CDH10: variants seen among roughly 807,000 people sequenced by gnomAD.
CDH10 encodes the protein cadherin-10.
CDH10 carries 30 observed loss-of-function variants against 73.1 expected under a neutral mutation model. The observed-to-expected ratio is 0.41, with a 90% CI of 0.31 to 0.56. The LOEUF (loss-of-function observed/expected upper bound fraction) is 0.56. Among genes scored for constraint, CDH10 ranks in the 20% least tolerant of loss-of-function variants. The probability of loss-of-function intolerance (pLI) is 0.27; values close to 1 mark genes in which losing one functional copy is unlikely to be tolerated. For missense variants in CDH10, 815 were observed against 973.7 expected (o/e 0.84, Z 2.17); for synonymous variants, 345 against 348.2 (o/e 0.99, Z 0.10).
At chr5:24,488,685 C>T (rs1741934775) in intron 11 of CDH10, among the ~76,000 whole-genome samples, 1 of 151,606 alleles carries the variant, frequency 6.6e-6, no homozygotes, top group South Asian at 2.1e-4. Context: ...ATTTTTGTTA[C>T]TTTACTAAAA....
At chr5:24,500,710 C>G (rs368323398) in intron 8 of CDH10, among the ~76,000 whole-genome samples, 9 of 152,334 alleles carry the variant, frequency 5.9e-5, no homozygotes, top group East Asian at 5.8e-4. Context: ...ATGAAAGTAT[C>G]AGTTTAATGA....
intron 2 of CDH10, among the ~76,000 whole-genome samples, chr5:24,586,842 TC>T (rs903757603): frequency 7.5e-6 from 1 of 132,880 alleles, no homozygotes; most frequent in Non-Finnish European, 1.6e-5. Context: ...TAGCCCATAT[TC>T]TTTTTTTTTT....
intron 5 of CDH10, among the ~76,000 whole-genome samples, chr5:24,532,626 T>A (rs1180707075): frequency 6.6e-6 from 1 of 152,106 alleles, no homozygotes; most frequent in African/African-American, 2.4e-5. Flanking sequence ...CTTGATAACT[T>A]GATATAAGCT....
intron 2 of CDH10, among the ~76,000 whole-genome samples, chr5:24,563,787 A>G (rs1745058613): frequency 6.6e-6 from 1 of 150,898 alleles, no homozygotes; most frequent in Non-Finnish European, 1.5e-5. Context: ...AAAAAAAAAA[A>G]AAAAAAAAAA....
chr5:24,604,065 A>T (rs1008971834), intron 1 of CDH10, among the ~76,000 whole-genome samples: 1 of 152,154 alleles, frequency 6.6e-6, no homozygotes, highest in Non-Finnish European at 1.5e-5. Context: ...TAAAAATTAA[A>T]AATGTCTGGC....
At chr5:24,559,135 A>AAATG (rs397715133) in intron 2 of CDH10, among the ~76,000 whole-genome samples, 1 of 151,598 alleles carries the variant, frequency 6.6e-6, no homozygotes, top group African/African-American at 2.4e-5. Context: ...GTACACAAAT[A>AAATG]TGCTGTCAGG....
chr5:24,583,500 T>TAAAC (rs990120246), intron 2 of CDH10, among the ~76,000 whole-genome samples: 2 of 152,148 alleles, frequency 1.3e-5, no homozygotes, highest in African/African-American at 4.8e-5. Flanking sequence ...TTCTGTGAAA[T>TAAAC]AGTCAAAATA....
chr5:24,547,831 C>A (rs1216873686), intron 2 of CDH10, among the ~76,000 whole-genome samples: 1 of 152,168 alleles, frequency 6.6e-6, no homozygotes, highest in Non-Finnish European at 1.5e-5. Context: ...ACACACTGGT[C>A]CCTTGACAAA....
At chr5:24,493,381 C>A (rs1742135568) in intron 9 of CDH10, among the ~76,000 whole-genome samples, 1 of 151,776 alleles carries the variant, frequency 6.6e-6, no homozygotes, top group South Asian at 2.1e-4. Flanking sequence ...GAGTCTTAAA[C>A]ATTATTAGAA....
chr5:24,564,045 G>A (rs1195612772), intron 2 of CDH10, among the ~76,000 whole-genome samples: 2 of 152,138 alleles, frequency 1.3e-5, no homozygotes, highest in African/African-American at 4.8e-5. Flanking sequence ...TGTACATACA[G>A]TGGACCACCT....
At chr5:24,598,349 CTGTTT>C (rs1448782861) in intron 1 of CDH10, among the ~76,000 whole-genome samples, 3 of 151,878 alleles carry the variant, frequency 2.0e-5, no homozygotes, top group Non-Finnish European at 2.9e-5. Flanking sequence ...ATTTATCACT[CTGTTT>C]TAAGTATTCT....
At chr5:24,628,698 CA>C (rs1747593488) in intron 1 of CDH10, among the ~76,000 whole-genome samples, 1 of 151,984 alleles carries the variant, frequency 6.6e-6, no homozygotes, top group Admixed American at 6.6e-5. Flanking sequence ...AGCTTGTATT[CA>C]AGTTTCTTCA....
At chr5:24,548,670 T>A (rs1212935624) in intron 2 of CDH10, among the ~76,000 whole-genome samples, 3 of 152,076 alleles carry the variant, frequency 2.0e-5, no homozygotes, top group Non-Finnish European at 2.9e-5. Flanking sequence ...GTGTACCACA[T>A]CTTAGCCAAC....
intron 1 of CDH10, among the ~76,000 whole-genome samples, chr5:24,634,003 C>G (rs1747789291): frequency 6.6e-6 from 1 of 151,802 alleles, no homozygotes; most frequent in Non-Finnish European, 1.5e-5. Context: ...GCAATTTACC[C>G]TATAAATGGG....
chr5:24,488,916 A>G (rs956918443), intron 11 of CDH10, among the ~76,000 whole-genome samples: 1 of 151,942 alleles, frequency 6.6e-6, no homozygotes, highest in African/African-American at 2.4e-5. Context: ...AGAAAAGTGC[A>G]CTGCTCAAAA....
At chr5:24,520,582 A>G (rs1433404571) in intron 5 of CDH10, among the ~76,000 whole-genome samples, 1 of 152,212 alleles carries the variant, frequency 6.6e-6, no homozygotes, top group Non-Finnish European at 1.5e-5. Flanking sequence ...ATCTAAAAGG[A>G]GAGGATGATA....
At chr5:24,492,302 A>G (rs1263154699) in intron 10 of CDH10, among the ~76,000 whole-genome samples, 2 of 152,260 alleles carry the variant, frequency 1.3e-5, no homozygotes, top group Non-Finnish European at 2.9e-5. Flanking sequence ...CATGTTTTAA[A>G]TCAATAACAA....
At chr5:24,509,232 C>T (rs1424636836) in intron 7 of CDH10, among the ~76,000 whole-genome samples, 3 of 91,508 alleles carry the variant, frequency 3.3e-5, no homozygotes, top group African/African-American at 8.4e-5. Flanking sequence ...ATTTTGTTCT[C>T]CTTTTTCCTT....
chr5:24,622,493 T>G (rs1747351437), intron 1 of CDH10, among the ~76,000 whole-genome samples: 1 of 152,108 alleles, frequency 6.6e-6, no homozygotes, highest in African/African-American at 2.4e-5. Context: ...GGATGAAAAT[T>G]TGTAGATCAG....
Sources: gnomAD v4.1 joint callset for allele counts (sites outside exome capture counted in the v4.1 genomes callset) on GRCh38, gnomAD v4.1.1 for gene constraint, MANE v1.5 for transcripts, NCBI Gene and HGNC (gene_info 2026-07-23, HGNC 2026-07-21) for gene names.